The following PLEKHA6 variants were observed in gnomAD, a reference collection of about 807,000 sequenced individuals.
PLEKHA6 encodes the protein pleckstrin homology domain containing A6, also known as pleckstrin homology domain-containing family A member 6.
Under a neutral mutation model 116.7 loss-of-function variants are expected in PLEKHA6, and 60 were observed. The ratio of observed to expected loss-of-function variants is 0.51; its 90% confidence interval spans 0.42 to 0.64. The LOEUF is 0.64. Ranked by LOEUF, PLEKHA6 falls within the 30% of genes least tolerant of loss-of-function variation. PLEKHA6 has a pLI of 0.00. For synonymous variants in PLEKHA6, 489 were observed against 556.1 expected (o/e 0.88, Z 1.70); for missense variants, 1,338 against 1,422.7 (o/e 0.94, Z 0.96).
Position 204,247,364 on chromosome 1 carries a change from C to T in PLEKHA6, c.1920+1G>A. 2 of 1,601,694 alleles carry T rather than the reference C, an allele frequency of 1.2e-6. No individual in the cohort carries two copies. The highest frequency in any genetic ancestry group is 1.1e-5 in the South Asian group (1 of 90,846). The stretch of plus-strand genomic sequence containing the variant: ...CCGCCAGCTCAGGGGCCCTTCTTCA[C>T]CTGGGTGTCCAAATTGAGCTGCTCC... On this transcript the variant is annotated splice_donor_variant, in intron 13 of 22. Coordinates refer to ENST00000272203, the MANE Select transcript of PLEKHA6 (RefSeq NM_014935.5). LOFTEE classifies it high-confidence loss of function.
At chr1:204,373,591 C>G (rs1673815838) in intron 1 of PLEKHA6, among the ~76,000 whole-genome samples, 1 of 151,972 alleles carries the variant, frequency 6.6e-6, no homozygotes, top group Non-Finnish European at 1.5e-5. Context: ...GAATAGTATT[C>G]CATTGTAGGA....
chr1:204,316,379 C>T (rs1354996758), intron 1 of PLEKHA6, among the ~76,000 whole-genome samples: 3 of 152,186 alleles, frequency 2.0e-5, no homozygotes, highest in African/African-American at 7.2e-5. Flanking sequence ...CTCAGGGAGA[C>T]AGCTGCCGGG....
chr1:204,266,916 A>G (rs1471732672), intron 5 of PLEKHA6, among the ~76,000 whole-genome samples: 1 of 152,036 alleles, frequency 6.6e-6, no homozygotes, highest in Non-Finnish European at 1.5e-5. Flanking sequence ...GAGTAGGGAG[A>G]GGGTGTTGGG....
chr1:204,312,300 T>G (rs577421559), intron 1 of PLEKHA6, among the ~76,000 whole-genome samples: 1 of 152,222 alleles, frequency 6.6e-6, no homozygotes, highest in Non-Finnish European at 1.5e-5. Flanking sequence ...ATGGGAGAGA[T>G]AAACGGCACA....
chr1:204,285,853 G>C (rs111280175), intron 1 of PLEKHA6, among the ~76,000 whole-genome samples: 1 of 152,172 alleles, frequency 6.6e-6, no homozygotes, highest in East Asian at 1.9e-4. Context: ...GAGGAGGCTG[G>C]AGACACAGAG....
At chr1:204,235,648 T>C (rs1661935374) in intron 17 of PLEKHA6, among the ~76,000 whole-genome samples, 1 of 152,136 alleles carries the variant, frequency 6.6e-6, no homozygotes, top group Non-Finnish European at 1.5e-5. Context: ...TGGAAAAGAA[T>C]GGGACTCTGA....
chr1:204,314,637 G>A (rs909948193), intron 1 of PLEKHA6, among the ~76,000 whole-genome samples: 3 of 152,220 alleles, frequency 2.0e-5, no homozygotes, highest in Admixed American at 1.3e-4. Context: ...AAGCTGGGGC[G>A]AGAAATAGCA....
At chr1:204,290,053 A>C (rs1216886326) in intron 1 of PLEKHA6, among the ~76,000 whole-genome samples, 1 of 152,242 alleles carries the variant, frequency 6.6e-6, no homozygotes, top group African/African-American at 2.4e-5. Flanking sequence ...TCCAAATAAA[A>C]GGAGAAAAAT....
chr1:204,275,246 GA>G (rs1332224364), intron 1 of PLEKHA6, among the ~76,000 whole-genome samples: 6 of 152,140 alleles, frequency 3.9e-5, no homozygotes, highest in African/African-American at 1.4e-4. Context: ...ACTTTCTTGT[GA>G]CCTTGGACTC....
chr1:204,232,637 C>G (rs1455255894), intron 17 of PLEKHA6, among the ~76,000 whole-genome samples: 1 of 152,198 alleles, frequency 6.6e-6, no homozygotes, highest in Non-Finnish European at 1.5e-5. Flanking sequence ...ACTATGGGAC[C>G]TCTGGGATTC....
intron 1 of PLEKHA6, among the ~76,000 whole-genome samples, chr1:204,321,350 C>G (rs1435079438): frequency 6.6e-6 from 1 of 152,108 alleles, no homozygotes; most frequent in Non-Finnish European, 1.5e-5. Flanking sequence ...TGCCCCATGT[C>G]TGCTTATAAC....
At chr1:204,301,917 C>T (rs1390300202) in intron 1 of PLEKHA6, among the ~76,000 whole-genome samples, 1 of 152,186 alleles carries the variant, frequency 6.6e-6, no homozygotes, top group Non-Finnish European at 1.5e-5. Context: ...AAGGCACAGT[C>T]GTCCAAGTGG....
intron 1 of PLEKHA6, among the ~76,000 whole-genome samples, chr1:204,333,422 C>A (rs1382864824): frequency 6.6e-6 from 1 of 152,210 alleles, no homozygotes; most frequent in African/African-American, 2.4e-5. Context: ...AGTTCTCTGC[C>A]TCTCCTAAGA....
intron 17 of PLEKHA6, among the ~76,000 whole-genome samples, chr1:204,239,286 C>G (rs1662479096): frequency 6.6e-6 from 1 of 152,228 alleles, no homozygotes; most frequent in Non-Finnish European, 1.5e-5. Flanking sequence ...CAAGGCTGTC[C>G]TGGCTATGGC....
At chr1:204,372,951 A>G (rs1009440787) in intron 1 of PLEKHA6, among the ~76,000 whole-genome samples, 2 of 150,952 alleles carry the variant, frequency 1.3e-5, no homozygotes, top group Non-Finnish European at 2.9e-5. Flanking sequence ...TCTGCCATCC[A>G]GACTGGAGTG....
intron 1 of PLEKHA6, among the ~76,000 whole-genome samples, chr1:204,306,380 G>A (rs561626032): frequency 6.6e-6 from 1 of 152,074 alleles, no homozygotes; most frequent in Admixed American, 6.5e-5. Flanking sequence ...GGAAGACGGG[G>A]CCACATTCAG....
At chr1:204,279,031 G>A (rs561774344) in intron 1 of PLEKHA6, among the ~76,000 whole-genome samples, 7 of 152,164 alleles carry the variant, frequency 4.6e-5, no homozygotes, top group Admixed American at 1.3e-4. Context: ...CAGCTTCCCT[G>A]CCTAGCTCCC....
chr1:204,287,026 G>A (rs945722639), intron 1 of PLEKHA6, among the ~76,000 whole-genome samples: 24 of 152,236 alleles, frequency 1.6e-4, no homozygotes, highest in Admixed American at 9.1e-4. Flanking sequence ...CTTATCGCTC[G>A]AATCTGCTTT....
intron 1 of PLEKHA6, among the ~76,000 whole-genome samples, chr1:204,327,217 C>G (rs1248541060): frequency 6.6e-6 from 1 of 152,254 alleles, no homozygotes; most frequent in African/African-American, 2.4e-5. Context: ...TTGCACCATT[C>G]TTCCTCGTTT....
Sources: gnomAD v4.1 joint callset for allele counts (sites outside exome capture counted in the v4.1 genomes callset) on GRCh38, gnomAD v4.1.1 for gene constraint, MANE v1.5 for transcripts, NCBI Gene and HGNC (gene_info 2026-07-23, HGNC 2026-07-21) for gene names.